DSCAM: variants seen among roughly 807,000 people sequenced by gnomAD.
DSCAM encodes cell adhesion molecule DSCAM.
In DSCAM, 47 loss-of-function variants were observed where a neutral mutation model predicts 217.7. The observed-to-expected ratio is 0.22, with a 90% CI of 0.17 to 0.28. The LOEUF is 0.28. DSCAM is among the 10% of genes least tolerant of loss of function. The probability of loss-of-function intolerance (pLI) is 1.00; values close to 1 mark genes in which losing one functional copy is unlikely to be tolerated. For missense variants in DSCAM, 2,080 were observed against 2,618.3 expected (o/e 0.79, Z 4.49); for synonymous variants, 1,056 against 1,015.3 (o/e 1.04, Z -0.76).
chr21:40,363,801 A>G (rs1366074259), intron 4 of DSCAM, among the ~76,000 whole-genome samples: 1 of 152,224 alleles, frequency 6.6e-6, no homozygotes, highest in African/African-American at 2.4e-5. Flanking sequence ...GCTAATATCC[A>G]GAATCTACAA....
chr21:40,245,176 G>T (rs575818949), intron 11 of DSCAM, among the ~76,000 whole-genome samples: 1 of 152,334 alleles, frequency 6.6e-6, no homozygotes, highest in South Asian at 2.1e-4. Flanking sequence ...TCTTACGGCT[G>T]CTGCCGCCTG....
intron 3 of DSCAM, among the ~76,000 whole-genome samples, chr21:40,684,710 G>A (rs2090455037): frequency 6.6e-6 from 1 of 152,160 alleles, no homozygotes; most frequent in Non-Finnish European, 1.5e-5. Context: ...AGCAAATCTT[G>A]ATTTGTGACA....
intron 3 of DSCAM, among the ~76,000 whole-genome samples, chr21:40,396,898 G>A (rs527503943): frequency 6.6e-6 from 1 of 152,100 alleles, no homozygotes; most frequent in East Asian, 1.9e-4. Context: ...TAACCATGAG[G>A]GCCTCCCAGA....
At chr21:40,124,105 G>C in intron 20 of DSCAM, 90 bp downstream of exon 20, 2 of 1,558,582 alleles carry the variant, frequency 1.3e-6, no homozygotes, top group African/African-American at 1.4e-5. Context: ...CAGGTAGGTG[G>C]GAAACAAAGG....
intron 18 of DSCAM, among the ~76,000 whole-genome samples, chr21:40,140,222 T>C (rs895925006): frequency 6.6e-6 from 1 of 152,140 alleles, no homozygotes; most frequent in Non-Finnish European, 1.5e-5. Flanking sequence ...TGAAGGTTTC[T>C]TGCTTATCTT....
intron 3 of DSCAM, among the ~76,000 whole-genome samples, chr21:40,678,735 A>G (rs1286527180): frequency 6.6e-6 from 1 of 152,088 alleles, no homozygotes; most frequent in East Asian, 1.9e-4. Context: ...CACAAAAGCT[A>G]TCCATGGCAG....
intron 3 of DSCAM, among the ~76,000 whole-genome samples, chr21:40,429,159 C>T (rs893061025): frequency 6.6e-6 from 1 of 152,124 alleles, no homozygotes; most frequent in African/African-American, 2.4e-5. Context: ...TTTTTCATTG[C>T]AAACACAACT....
chr21:40,042,271 T>G, intron 32 of DSCAM, 100 bp downstream of exon 32: 1 of 1,287,302 alleles, frequency 7.8e-7, no homozygotes. Context: ...AGAGCACCCA[T>G]TTGGTCTGAA....
intron 8 of DSCAM, among the ~76,000 whole-genome samples, chr21:40,326,892 T>A (rs2074323427): frequency 6.7e-6 from 1 of 150,334 alleles, no homozygotes; most frequent in Non-Finnish European, 1.5e-5. Flanking sequence ...ACCACATATA[T>A]ATGTACTTAT....
chr21:40,334,254 A>G (rs1176809910), intron 8 of DSCAM, among the ~76,000 whole-genome samples: 1 of 152,032 alleles, frequency 6.6e-6, no homozygotes, highest in Admixed American at 6.6e-5. Flanking sequence ...TTTCCTACTG[A>G]CAGCATCCAC....
chr21:40,694,155 T>C (rs543211008), intron 2 of DSCAM, among the ~76,000 whole-genome samples: 1 of 152,318 alleles, frequency 6.6e-6, no homozygotes, highest in Non-Finnish European at 1.5e-5. Context: ...CTGATGAATA[T>C]AGTCCCAATT....
Position 40,532,063 on chromosome 21 carries a change from T to C in DSCAM, c.508+160747A>G, listed in dbSNP as rs372799647. ...AAATATTTTCAAAAGACTCAAGAGT[T>C]CTTACTTTTTGCTTTGATACACTCT... is the stretch of plus-strand genomic sequence containing the variant. On this transcript the variant is annotated intron_variant, in intron 3 of 32. Coordinates refer to ENST00000400454, the MANE Select transcript of DSCAM (RefSeq NM_001389.5). Among the ~76,000 whole-genome samples the C allele has an allele frequency of 4.8e-4, 73 of 152,322 alleles. 1 individual carries two copies. The South Asian group carries it at 0.014, about 29-fold the overall frequency.
At chr21:40,658,343 A>G (rs1292265490) in intron 3 of DSCAM, among the ~76,000 whole-genome samples, 1 of 152,212 alleles carries the variant, frequency 6.6e-6, no homozygotes, top group African/African-American at 2.4e-5. Context: ...CTGACCTTCT[A>G]GCTTTTTGTC....
rs533962330 is a variant in DSCAM at position 40,029,896 on chromosome 21, T to G, written c.5686+12475A>C. Among the ~76,000 whole-genome samples, 35 of 152,326 alleles carry G rather than the reference T, an allele frequency of 2.3e-4. 1 individual carries two copies. The East Asian group carries it at 6.0e-3, about 26-fold the overall frequency. On this transcript the variant is annotated intron_variant, in intron 32 of 32. Coordinates refer to ENST00000400454, the MANE Select transcript of DSCAM (RefSeq NM_001389.5). Reference sequence around the variant, plus strand: ...CCTCGGGGCTTGCATCTTCCTCCTCTGTTCTGCACATCACTAAAACTCAGT... The same window carrying G: ...CCTCGGGGCTTGCATCTTCCTCCTCGGTTCTGCACATCACTAAAACTCAGT...
At chr21:40,544,213 C>T (rs1459364197) in intron 3 of DSCAM, among the ~76,000 whole-genome samples, 1 of 152,096 alleles carries the variant, frequency 6.6e-6, no homozygotes, top group Non-Finnish European at 1.5e-5. Context: ...AAGCCTTGGT[C>T]ACGGAGTAGA....
At chr21:40,255,149 T>A (rs1436992538) in intron 11 of DSCAM, among the ~76,000 whole-genome samples, 2 of 152,116 alleles carry the variant, frequency 1.3e-5, no homozygotes, top group Non-Finnish European at 2.9e-5. Context: ...TACTCAGTTT[T>A]CCTCTATATC....
At chr21:40,834,407 CAAAATAATAATAATAAT>C (rs979192798) in intron 1 of DSCAM, among the ~76,000 whole-genome samples, 17 of 133,130 alleles carry the variant, frequency 1.3e-4, no homozygotes, top group African/African-American at 4.9e-4. Context: ...ACTCTGTCTC[CAAAATAATAATAATAAT>C]AAAATAATAA....
rs150575259 is a variant in DSCAM, at chr21:40,359,967, G to A, written c.656-6224C>T. On this transcript the variant is annotated intron_variant, in intron 4 of 32. Coordinates refer to ENST00000400454, the MANE Select transcript of DSCAM (RefSeq NM_001389.5). Reference sequence around the variant, plus strand: ...CTACCTCTCAACAAAACTGTTTTACGAAACCTGAATGAGGTATTTATTTTT... The same window carrying A: ...CTACCTCTCAACAAAACTGTTTTACAAAACCTGAATGAGGTATTTATTTTT... Among the ~76,000 whole-genome samples, 55 of 152,140 alleles carry A rather than the reference G, an allele frequency of 3.6e-4. No individual in the cohort carries two copies. The East Asian group carries it at 5.4e-3, about 15-fold the overall frequency.
intron 1 of DSCAM, among the ~76,000 whole-genome samples, chr21:40,805,330 C>A (rs555564049): frequency 6.6e-6 from 1 of 152,276 alleles, no homozygotes; most frequent in East Asian, 1.9e-4. Context: ...TTTGTTCATT[C>A]CCCCTCCATC....
Sources: gnomAD v4.1 joint callset for allele counts (sites outside exome capture counted in the v4.1 genomes callset) on GRCh38, gnomAD v4.1.1 for gene constraint, MANE v1.5 for transcripts, NCBI Gene and HGNC (gene_info 2026-07-23, HGNC 2026-07-21) for gene names.